Variants in GTF2H1 observed in about 807,000 individuals in gnomAD.
GTF2H1 encodes general transcription factor IIH subunit 1.
Under a neutral mutation model 71.2 loss-of-function variants are expected in GTF2H1, and 16 were observed. The ratio of observed to expected loss-of-function variants is 0.22; its 90% confidence interval spans 0.15 to 0.34. GTF2H1 has a LOEUF of 0.34. Ranked by LOEUF, GTF2H1 falls within the 10% of genes least tolerant of loss-of-function variation. The probability of loss-of-function intolerance (pLI) is 1.00; values close to 1 mark genes in which losing one functional copy is unlikely to be tolerated. For missense variants in GTF2H1, 498 were observed against 648.2 expected (o/e 0.77, Z 2.52); for synonymous variants, 215 against 219.0 (o/e 0.98, Z 0.16).
In GTF2H1 at chr11:18,335,837, T is replaced by A. The variant is rs139060673; in HGVS notation, c.238T>A (p.Ser80Thr). 255 of 1,613,920 alleles carry A rather than the reference T, an allele frequency of 1.6e-4. No homozygotes were observed. In the African/African-American group the frequency reaches 3.1e-3, roughly 19 times the overall value. ...HAGDTTNFHF[S>T]NESTAVKERD... ...AGGGGACACAACTAACTTCCATTTT[T>A]CCAATGAAAGCACAGCAGTGAAAGA... Residue 80 changes from serine (S) to threonine (T), a missense_variant, in exon 3 of 15, where the codon TCC becomes ACC. Physicochemically the swap from Ser to Thr is moderately conservative, Grantham distance 58. This residue lies in a region of GTF2H1 where 216 missense variants were observed against 306.2 expected (regional missense o/e 0.71). Coordinates refer to ENST00000265963, the MANE Select transcript of GTF2H1 (RefSeq NM_005316.4).
chr11:18,355,042 T>C (rs968557246), intron 11 of GTF2H1, among the ~76,000 whole-genome samples: 11 of 152,004 alleles, frequency 7.2e-5, no homozygotes, highest in South Asian at 2.1e-4. Context: ...ACTCCTGAGC[T>C]CAAGCAATCC....
chr11:18,355,743 G>A (rs1364792952), intron 11 of GTF2H1, among the ~76,000 whole-genome samples: 1 of 151,498 alleles, frequency 6.6e-6, no homozygotes, highest in Non-Finnish European at 1.5e-5. Flanking sequence ...TCGAACTCCT[G>A]AGCTCAAGCG....
rs922431661 is a variant in GTF2H1 at position 18,343,898 on chromosome 11, A to G, written c.837+2291A>G. Among the ~76,000 whole-genome samples, 7 of 152,320 alleles carry G rather than the reference A, an allele frequency of 4.6e-5. No homozygotes were observed. In the South Asian group the frequency reaches 1.5e-3, roughly 32 times the overall value. On this transcript the variant is annotated intron_variant, in intron 7 of 14. Coordinates refer to ENST00000265963, the MANE Select transcript of GTF2H1 (RefSeq NM_005316.4). ...GCCCAGGCTGGAGTGCAGTGGCACAATCATGGCTCACTGCAATCTTGACCT... is the reference window on the plus strand; with the variant it reads ...GCCCAGGCTGGAGTGCAGTGGCACAGTCATGGCTCACTGCAATCTTGACCT...
chr11:18,328,651 TCCATCTCTACTAAA>T (rs1864825850), intron 1 of GTF2H1, among the ~76,000 whole-genome samples: 1 of 150,454 alleles, frequency 6.6e-6, no homozygotes, highest in South Asian at 2.1e-4. Flanking sequence ...ACGGCGAAAC[TCCATCTCTACTAAA>T]AATACAAAAA....
intron 5 of GTF2H1, among the ~76,000 whole-genome samples, chr11:18,340,376 C>T (rs904871021): frequency 6.6e-6 from 1 of 152,132 alleles, no homozygotes. Context: ...CAACCTCCGC[C>T]TCCCAGGCTC....
rs181345105 is a variant in GTF2H1, at chr11:18,329,841, A to G, written c.-15-3219A>G. On this transcript the variant is annotated intron_variant, in intron 1 of 14. Transcript: ENST00000265963. Reference sequence around the variant, plus strand: ...CAGAATGAACTGATACATATACAACAATATGGTGGATTTCAAAAAACATGT... The same window carrying G: ...CAGAATGAACTGATACATATACAACGATATGGTGGATTTCAAAAAACATGT... Among the ~76,000 whole-genome samples the G allele has an allele frequency of 3.3e-5, 5 of 152,366 alleles. No individual in the cohort carries two copies. In the East Asian group the frequency reaches 9.6e-4, roughly 29 times the overall value.
At chr11:18,353,312 C>G (rs902253341) in intron 11 of GTF2H1, among the ~76,000 whole-genome samples, 4 of 152,256 alleles carry the variant, frequency 2.6e-5, no homozygotes, top group African/African-American at 9.6e-5. Flanking sequence ...CCTCCCTTCA[C>G]TGCAGTAGTC....
At position 18,332,993 on chromosome 11, in the gene GTF2H1, GTCAACAAAT is replaced by G. The variant is rs1864936101; in HGVS notation, c.-15-61_-15-53del. The G allele has an allele frequency of 2.7e-6, 3 of 1,094,802 alleles. No individual in the cohort carries two copies. The Admixed American group carries it at 7.8e-5, about 29-fold the overall frequency. The allele number at this position is 1,094,802 out of a possible 1,614,324, so 67.8% of individuals were successfully genotyped here. On this transcript the variant is annotated intron_variant, in intron 1 of 14. Coordinates refer to ENST00000265963, the MANE Select transcript of GTF2H1 (RefSeq NM_005316.4). ...TTTATATTTGAAAGGGACTCTAGAA[GTCAACAAAT>G]TCAACCCTAATTGATGTGTGGAATA...
Position 18,352,453 on chromosome 11 carries a change from G to T in GTF2H1, c.1260+7G>T. ...TACACCCAAGTTAACTCAGGTAGGT[G>T]ACTTCTACTGTTTGAAGGCCAGAAT... On this transcript the variant is annotated splice_region_variant and intron_variant, in intron 11 of 14. Transcript: ENST00000265963. 1 of 1,094,754 alleles carries T rather than the reference G, an allele frequency of 9.1e-7. No individual in the cohort carries two copies. Among genetic ancestry groups the T allele is most frequent in the South Asian group, 1.3e-5 (1 of 79,744 alleles). 67.8% of individuals were successfully genotyped at this position (1,094,754 alleles called of 1,614,324 possible).
intron 1 of GTF2H1, among the ~76,000 whole-genome samples, chr11:18,327,396 G>A (rs914267111): frequency 6.6e-6 from 1 of 152,156 alleles, no homozygotes; most frequent in African/African-American, 2.4e-5. Context: ...GAGTAACATA[G>A]TGAAATTTCA....
chr11:18,323,303 A>AT (rs147294921), intron 1 of GTF2H1, among the ~76,000 whole-genome samples: 2,848 of 151,094 alleles, frequency 0.019, 95 homozygotes, highest in African/African-American at 0.065. Flanking sequence ...GACTTTTCTT[A>AT]TTTTTTTTTA....
chr11:18,325,068 T>C, intron 1 of GTF2H1, among the ~76,000 whole-genome samples: 1 of 152,240 alleles, frequency 6.6e-6, no homozygotes, highest in Non-Finnish European at 1.5e-5. Flanking sequence ...GCAAGCAGCA[T>C]TCCAAATCTC....
intron 7 of GTF2H1, among the ~76,000 whole-genome samples, chr11:18,342,352 C>G (rs1865180822): frequency 6.9e-6 from 1 of 143,948 alleles, no homozygotes; most frequent in Non-Finnish European, 1.5e-5. Flanking sequence ...ACCTCTGCCT[C>G]CCAAGTTAAA....
chr11:18,337,366 A>G (rs1865053408), intron 3 of GTF2H1, among the ~76,000 whole-genome samples: 1 of 152,142 alleles, frequency 6.6e-6, no homozygotes, highest in Admixed American at 6.5e-5. Flanking sequence ...AATCGCATGA[A>G]TCTGGGAGGC....
intron 11 of GTF2H1, among the ~76,000 whole-genome samples, chr11:18,354,546 C>T (rs1865498503): frequency 6.6e-6 from 1 of 152,178 alleles, no homozygotes; most frequent in Admixed American, 6.5e-5. Flanking sequence ...ATCCTCCTGC[C>T]TCAGCCTTCT....
chr11:18,334,337 G>T (rs4150570), intron 2 of GTF2H1, among the ~76,000 whole-genome samples: 6 of 152,142 alleles, frequency 3.9e-5, no homozygotes, highest in African/African-American at 1.4e-4. Flanking sequence ...CCAAGATCGC[G>T]CCACTGCACT....
At chr11:18,353,227 AATAG>A (rs1865468326) in intron 11 of GTF2H1, among the ~76,000 whole-genome samples, 2 of 152,302 alleles carry the variant, frequency 1.3e-5, no homozygotes, top group African/African-American at 4.8e-5. Flanking sequence ...CTCCATCTCA[AATAG>A]ATAGATAAAT....
At chr11:18,332,319 A>G (rs1864919638) in intron 1 of GTF2H1, among the ~76,000 whole-genome samples, 1 of 152,224 alleles carries the variant, frequency 6.6e-6, no homozygotes, top group Admixed American at 6.5e-5. Context: ...CATGGCAGAC[A>G]GCACCATCAG....
chr11:18,355,499 ATT>A (rs1865524208), intron 11 of GTF2H1, among the ~76,000 whole-genome samples: 1 of 148,786 alleles, frequency 6.7e-6, no homozygotes, highest in South Asian at 2.1e-4. Context: ...AAATAAATAA[ATT>A]TACTTATTTA....
Sources: allele counts gnomAD v4.1 joint callset (sites outside exome capture counted in the v4.1 genomes callset), GRCh38; gene constraint gnomAD v4.1.1; regional missense constraint gnomAD v4.1.1; transcripts MANE v1.5; gene names NCBI Gene and HGNC (gene_info 2026-07-23, HGNC 2026-07-21).